The following CSGALNACT1 variants were observed in gnomAD, a reference collection of about 807,000 sequenced individuals.
The protein encoded by CSGALNACT1 is chondroitin sulfate N-acetylgalactosaminyltransferase 1.
A neutral mutation model predicts 51.0 loss-of-function variants in CSGALNACT1; 52 were observed. That is an observed-to-expected ratio of 1.02 (90% confidence interval 0.82 to 1.29). The LOEUF is 1.29. Ranked by LOEUF, CSGALNACT1 falls within the 50% of genes most tolerant of loss-of-function variation. The pLI is 0.00. For missense variants in CSGALNACT1, 935 were observed against 679.2 expected (o/e 1.38, Z -4.19); for synonymous variants, 341 against 254.4 (o/e 1.34, Z -3.24).
chr8:19,562,092 C>T (rs189761785), intron 3 of CSGALNACT1, among the ~76,000 whole-genome samples: 1 of 152,314 alleles, frequency 6.6e-6, no homozygotes, highest in East Asian at 1.9e-4. Context: ...GGGAGGAAAG[C>T]TGCTGTGGTC....
intron 4 of CSGALNACT1, among the ~76,000 whole-genome samples, chr8:19,469,969 A>T (rs966141204): frequency 2.0e-5 from 3 of 152,206 alleles, no homozygotes; most frequent in African/African-American, 7.2e-5. Context: ...CTAAAAAGGG[A>T]ATAAATGCAA....
chr8:19,721,682 T>C (rs2063137608), intron 1 of CSGALNACT1, among the ~76,000 whole-genome samples: 1 of 152,198 alleles, frequency 6.6e-6, no homozygotes, highest in Non-Finnish European at 1.5e-5. Context: ...AAATGTTAAA[T>C]TTGAAAAGAC....
intron 3 of CSGALNACT1, among the ~76,000 whole-genome samples, chr8:19,521,787 T>C (rs1156655617): frequency 6.6e-6 from 1 of 152,218 alleles, no homozygotes; most frequent in East Asian, 1.9e-4. Flanking sequence ...TTTGGTTTCA[T>C]GGACCTGCAA....
chr8:19,428,825 ATGTGTGTGTG>A (rs59241616), intron 6 of CSGALNACT1, among the ~76,000 whole-genome samples: 9,348 of 143,352 alleles, frequency 0.065, 326 homozygotes, highest in Non-Finnish European at 0.077. Flanking sequence ...AAGACATGAT[ATGTGTGTGTG>A]TGTGTGTGTG....
intron 1 of CSGALNACT1, among the ~76,000 whole-genome samples, chr8:19,701,310 C>T (rs1350263296): frequency 6.6e-6 from 1 of 152,002 alleles, no homozygotes; most frequent in African/African-American, 2.4e-5. Flanking sequence ...TGTGCCACCA[C>T]ACCAAGCTAA....
intron 4 of CSGALNACT1, among the ~76,000 whole-genome samples, chr8:19,487,648 G>A (rs913650798): frequency 1.3e-5 from 2 of 152,082 alleles, no homozygotes; most frequent in Non-Finnish European, 2.9e-5. Flanking sequence ...TTACAAACTC[G>A]CCTGCACCTT....
rs185357292 is a variant in CSGALNACT1 at position 19,474,919 on chromosome 8, T to C, written c.635-16277A>G. On this transcript the variant is annotated intron_variant, in intron 4 of 9. Coordinates refer to ENST00000454498, the Ensembl canonical transcript of CSGALNACT1. ...AAAAGAAAGCAACTTCCATTTTTGG[T>C]AACAGACTAGAATATACAAAGATGA... Among the ~76,000 whole-genome samples, 27 of 142,512 alleles carry C rather than the reference T, an allele frequency of 1.9e-4. No homozygotes were observed. In the East Asian group the frequency reaches 4.5e-3, roughly 24 times the overall value. 93.5% of individuals were successfully genotyped at this position (142,512 alleles called of 152,430 possible). A position where few individuals can be genotyped will look rare whatever the true frequency, so the allele number is the denominator to read the frequency against.
chr8:19,444,620 C>A (rs1262629030), intron 5 of CSGALNACT1, among the ~76,000 whole-genome samples: 4 of 152,190 alleles, frequency 2.6e-5, no homozygotes, highest in Admixed American at 2.6e-4. Context: ...TCTAAAGATC[C>A]TTGAGCTCTA....
intron 1 of CSGALNACT1, among the ~76,000 whole-genome samples, chr8:19,717,711 T>C (rs1024150201): frequency 1.3e-5 from 2 of 152,200 alleles, no homozygotes; most frequent in Non-Finnish European, 2.9e-5. Context: ...AACCCCAGCT[T>C]GGTTGTCCAG....
chr8:19,505,021 G>A (rs552895297), intron 4 of CSGALNACT1, among the ~76,000 whole-genome samples, 180 bp downstream of exon 3: 1 of 152,236 alleles, frequency 6.6e-6, no homozygotes, highest in East Asian at 1.9e-4. Flanking sequence ...GAAAGTAAGT[G>A]GAAACAGATG....
chr8:19,439,903 C>G (rs1390570835), exon 6 of CSGALNACT1: 2 of 1,614,150 alleles, frequency 1.2e-6, no homozygotes, highest in Admixed American at 3.3e-5. Flanking sequence ...GTGAGATGGA[C>G]TCTCCCATCC....
At chr8:19,719,052 C>G (rs747744858) in intron 1 of CSGALNACT1, among the ~76,000 whole-genome samples, 2 of 152,184 alleles carry the variant, frequency 1.3e-5, no homozygotes, top group African/African-American at 2.4e-5. Context: ...CACCTGCTGA[C>G]TGCTAAAACC....
rs536004880 is a variant in CSGALNACT1, at chr8:19,633,047, T to C, written c.-543-31182A>G. ...CCTGCCAAAATGCTGAGATCACAAG[T>C]GTCAAAATGCTGAGCCACCGTGCCC... On this transcript the variant is annotated intron_variant, in intron 1 of 9. Transcript: ENST00000332246. 8.6e-4 allele frequency among the ~76,000 whole-genome samples: 130 copies of C among 151,090 alleles called. 1 individual carries two copies. Among genetic ancestry groups the C allele is most frequent in the Non-Finnish European group, 1.6e-3 (111 of 67,818 alleles).
chr8:19,417,779 G>C (rs765282328), intron 8 of CSGALNACT1, among the ~76,000 whole-genome samples: 1 of 152,080 alleles, frequency 6.6e-6, no homozygotes, highest in African/African-American at 2.4e-5. Flanking sequence ...TCATCTCCCC[G>C]CAGGAAAAAA....
rs149240326 is a variant in CSGALNACT1 at position 19,466,359 on chromosome 8, G to C, written c.635-7717C>G. Among the ~76,000 whole-genome samples, 25 of 152,096 alleles carry C rather than the reference G, an allele frequency of 1.6e-4. No homozygotes were observed. In the East Asian group the frequency reaches 4.5e-3, roughly 27 times the overall value. ...AGAAGCGATGATCATTTAAGATAAA[G>C]AAAAAACACTTCAGCCATGTAAATT... On this transcript the variant is annotated intron_variant, in intron 4 of 9. Coordinates refer to ENST00000454498, the Ensembl canonical transcript of CSGALNACT1.
intron 1 of CSGALNACT1, among the ~76,000 whole-genome samples, chr8:19,639,276 AAGAAGGGTTG>A (rs2056462886): frequency 6.6e-6 from 1 of 152,208 alleles, no homozygotes; most frequent in Admixed American, 6.5e-5. Flanking sequence ...GCCCTTGGTT[AAGAAGGGTTG>A]TATTTAAACA....
chr8:19,482,037 C>T (rs993330915), intron 4 of CSGALNACT1, among the ~76,000 whole-genome samples: 2 of 152,076 alleles, frequency 1.3e-5, no homozygotes, highest in African/African-American at 4.8e-5. Context: ...CAGCTCTTTC[C>T]ATCAAATCGC....
In CSGALNACT1 at chr8:19,409,498, TATAGAGAG is replaced by T. The variant is rs1351142673; in HGVS notation, c.1228-812_1228-805del. On this transcript the variant is annotated intron_variant, in intron 8 of 9. Transcript: ENST00000454498. ...AACTGCATGTGTACATATATATATA[TATAGAGAG>T]AGAGAGAGAGAGAGAAACACACACA... Among the ~76,000 whole-genome samples, 267 of 110,986 alleles carry T rather than the reference TATAGAGAG, an allele frequency of 2.4e-3. 1 individual carries two copies. Among genetic ancestry groups the T allele is most frequent in the Non-Finnish European group, 2.9e-3 (153 of 52,968 alleles). The allele number at this position is 110,986 out of a possible 152,430, so 72.8% of individuals were successfully genotyped here.
rs192843461 is a variant in CSGALNACT1, at chr8:19,542,894, T to C, written c.-296-36764A>G. ...TAAGAAGCCCTTCTGTAGATTCCAA[T>C]TGTTTCCTGATAAATTCATTTGGGT... On this transcript the variant is annotated intron_variant, in intron 3 of 9. Coordinates refer to ENST00000454498, the Ensembl canonical transcript of CSGALNACT1. Among the ~76,000 whole-genome samples, 24 of 152,272 alleles carry C rather than the reference T, an allele frequency of 1.6e-4. No individual in the cohort carries two copies. The East Asian group carries it at 4.1e-3, about 26-fold the overall frequency.
Sources: gnomAD v4.1 joint callset for allele counts (sites outside exome capture counted in the v4.1 genomes callset) on GRCh38, gnomAD v4.1.1 for gene constraint, MANE v1.5 for transcripts, NCBI Gene and HGNC (gene_info 2026-07-23, HGNC 2026-07-21) for gene names.